The following DGKH variants were observed in gnomAD, a reference collection of about 807,000 sequenced individuals.
DGKH encodes diacylglycerol kinase eta.
In DGKH, 90 loss-of-function variants were observed where a neutral mutation model predicts 159.3. The ratio of observed to expected loss-of-function variants is 0.57; its 90% CI spans 0.48 to 0.67. DGKH has a LOEUF of 0.67. Among genes scored for constraint, DGKH ranks in the 30% least tolerant of loss-of-function variants. DGKH has a pLI of 0.00. For missense variants in DGKH, 1,181 were observed against 1,506.1 expected (o/e 0.78, Z 3.57); for synonymous variants, 536 against 553.8 (o/e 0.97, Z 0.45).
intron 1 of DGKH, among the ~76,000 whole-genome samples, chr13:42,059,962 G>A (rs992413843): frequency 2.0e-5 from 3 of 147,880 alleles, no homozygotes; most frequent in Non-Finnish European, 4.4e-5. Context: ...CTGGAGTACA[G>A]TGGCACAATC....
chr13:42,166,482 A>G (rs201201221), intron 8 of DGKH, 33 bp from the exon 9 acceptor site: 1,571 of 1,439,356 alleles, frequency 1.1e-3, no homozygotes, highest in Non-Finnish European at 1.3e-3. Context: ...AGAAAGCTGT[A>G]TGTATTGATC....
intron 9 of DGKH, among the ~76,000 whole-genome samples, chr13:42,167,023 A>C (rs112783021): frequency 2.0e-5 from 3 of 152,318 alleles, no homozygotes; most frequent in African/African-American, 7.2e-5. Context: ...ATTTACATAC[A>C]ATATAAATAA....
chr13:42,204,249 T>C (rs1416810422), intron 20 of DGKH, among the ~76,000 whole-genome samples: 1 of 152,210 alleles, frequency 6.6e-6, no homozygotes, highest in East Asian at 1.9e-4. Context: ...TAAAGATATC[T>C]GTTTAATGTA....
At position 42,231,112 on chromosome 13, in the gene DGKH, C is replaced by T. The variant is rs61959372; in HGVS notation, c.*1924C>T. ...GCTCACGCCTGTAATCCCAGCACTT[C>T]GGGAGGTTTAGGTGGGTAGATCACC... On this transcript the variant is annotated 3_prime_UTR_variant, in exon 30 of 30. Transcript: ENST00000337343. 20,156 of 152,062 alleles carry T rather than the reference C, an allele frequency of 0.13. 1,704 individuals carry two copies. Among genetic ancestry groups the T allele is most frequent in the Admixed American group, 0.23 (3,539 of 15,256 alleles). 9.4% of individuals were successfully genotyped at this position (152,062 alleles called of 1,614,324 possible).
In DGKH at chr13:42,241,455, C is replaced by A. The variant is rs1238908130; in HGVS notation, c.*12267C>A. 1 of 152,202 alleles carries A rather than the reference C, an allele frequency of 6.6e-6. No individual in the cohort carries two copies. The highest frequency in any genetic ancestry group is 1.5e-5 in the Non-Finnish European group (1 of 68,028). 9.4% of individuals were successfully genotyped at this position (152,202 alleles called of 1,614,324 possible). A position where few individuals can be genotyped will look rare whatever the true frequency, so the allele number is the denominator to read the frequency against. On this transcript the variant is annotated 3_prime_UTR_variant, in exon 30 of 30. Coordinates refer to ENST00000337343, the MANE Select transcript of DGKH (RefSeq NM_178009.5). ...AATTTTTACATTTTTGTATCAGCCA[C>A]CAATAATTTTGACTGTTTTGTCAAG...
At position 42,194,925 on chromosome 13, in the gene DGKH, T is replaced by C. The variant is rs199648413; in HGVS notation, c.2076T>C (p.Tyr692=). Residue 692 remains tyrosine, a synonymous_variant, in exon 17 of 30, where the codon TAT becomes TAC. Transcript: ENST00000337343. ...GGTCTCCAGATGCCCGGGCAAGTTA[T>C]GGCCATTCCCAAACTGATTCTGTCC... ...APRSPDARAS[Y]GHSQTDSVPG... 1.4e-5 allele frequency: 23 copies of C among 1,614,088 alleles called. No homozygotes were observed. The highest frequency in any genetic ancestry group is 4.0e-5 in the African/African-American group (3 of 75,052).
intron 7 of DGKH, among the ~76,000 whole-genome samples, chr13:42,161,642 TG>T (rs1486761808): frequency 6.6e-6 from 1 of 151,374 alleles, no homozygotes; most frequent in Non-Finnish European, 1.5e-5. Flanking sequence ...TAGCTGGGCG[TG>T]GTGGTGGGCG....
chr13:42,172,254 G>A (rs187268656), intron 11 of DGKH, among the ~76,000 whole-genome samples: 152 of 151,852 alleles, frequency 1.0e-3, no homozygotes, highest in Non-Finnish European at 1.8e-3. Context: ...TGGGACTACA[G>A]GCGTGTGCCA....
At chr13:42,102,998 TA>T (rs563666695) in intron 1 of DGKH, among the ~76,000 whole-genome samples, 1 of 152,262 alleles carries the variant, frequency 6.6e-6, no homozygotes, top group South Asian at 2.1e-4. Context: ...AATTAAGAAG[TA>T]AGTGAATAAT....
intron 29 of DGKH, among the ~76,000 whole-genome samples, chr13:42,250,240 A>G (rs1033263744): frequency 6.6e-6 from 1 of 151,898 alleles, no homozygotes; most frequent in Non-Finnish European, 1.5e-5. Context: ...AAGTGCTGGG[A>G]TTATAGGCAT....
chr13:42,070,831 C>T (rs2137692135), intron 1 of DGKH: 2 of 1,341,618 alleles, frequency 1.5e-6, no homozygotes, highest in East Asian at 2.3e-5. Context: ...TAATTGGCTC[C>T]CACTGGGACC....
At chr13:42,190,927 C>T (rs1363612350) in intron 16 of DGKH, among the ~76,000 whole-genome samples, 3 of 152,156 alleles carry the variant, frequency 2.0e-5, no homozygotes, top group African/African-American at 7.2e-5. Context: ...GAAAATTTGG[C>T]ATTTAAGTGA....
chr13:42,110,590 A>ATTCATTCATTCG (rs1306988976), intron 1 of DGKH, among the ~76,000 whole-genome samples: 2 of 151,970 alleles, frequency 1.3e-5, no homozygotes, highest in Non-Finnish European at 2.9e-5. Context: ...AAGGATAATC[A>ATTCATTCATTCG]TTCATTCATT....
At chr13:42,059,977 C>G (rs1435399329) in intron 1 of DGKH, among the ~76,000 whole-genome samples, 2 of 150,606 alleles carry the variant, frequency 1.3e-5, no homozygotes, top group African/African-American at 4.9e-5. Flanking sequence ...ACAATCTTGG[C>G]TCACTGCAAA....
chr13:42,256,099 T>C, intron 30 of DGKH: 1 of 1,208,022 alleles, frequency 8.3e-7, no homozygotes, highest in South Asian at 1.2e-5. Context: ...CAGGAAGTAG[T>C]ATCATGCCAG....
intron 25 of DGKH, 78 bp downstream of exon 25, chr13:42,214,690 C>T (rs1957745187): frequency 4.4e-6 from 6 of 1,356,446 alleles, no homozygotes; most frequent in South Asian, 1.5e-5. Flanking sequence ...GTAAAATATG[C>T]CACGCCCTGT....
intron 13 of DGKH, among the ~76,000 whole-genome samples, chr13:42,185,725 T>C (rs1956902593): frequency 6.6e-6 from 1 of 151,966 alleles, no homozygotes; most frequent in African/African-American, 2.4e-5. Flanking sequence ...TTTCGAGAAA[T>C]CCCATGAAGT....
chr13:42,061,179 T>C (rs1185641223), intron 1 of DGKH, among the ~76,000 whole-genome samples: 1 of 152,178 alleles, frequency 6.6e-6, no homozygotes, highest in Non-Finnish European at 1.5e-5. Flanking sequence ...TCAGGTATGA[T>C]GTTTATATAG....
chr13:42,054,539 G>T (rs1039698737), intron 1 of DGKH, among the ~76,000 whole-genome samples: 1 of 152,154 alleles, frequency 6.6e-6, no homozygotes, highest in African/African-American at 2.4e-5. Flanking sequence ...TGGGCCATAA[G>T]GTGTCTGCTG....
Sources: allele counts gnomAD v4.1 joint callset (sites outside exome capture counted in the v4.1 genomes callset), GRCh38; gene constraint gnomAD v4.1.1; transcripts MANE v1.5; gene names NCBI Gene and HGNC (gene_info 2026-07-23, HGNC 2026-07-21).